ADGRL3: variants seen among roughly 807,000 people sequenced by gnomAD.
ADGRL3 encodes the protein calcium-independent alpha-latrotoxin receptor 3.
A neutral mutation model predicts 153.5 loss-of-function variants in ADGRL3; 62 were observed. That is an observed-to-expected ratio of 0.40 (90% CI 0.33 to 0.50). ADGRL3 has a LOEUF of 0.50. Among genes scored for constraint, ADGRL3 ranks in the 20% least tolerant of loss-of-function variants. ADGRL3 has a pLI of 0.47. For missense variants in ADGRL3, 1,641 were observed against 1,859.4 expected (o/e 0.88, Z 2.16); for synonymous variants, 710 against 672.5 (o/e 1.06, Z -0.86).
At chr4:61,219,619 A>G (rs1744446009) in intron 1 of ADGRL3, among the ~76,000 whole-genome samples, 1 of 152,182 alleles carries the variant, frequency 6.6e-6, no homozygotes. Flanking sequence ...CAGATGCAAA[A>G]TAGTTGACTG....
At chr4:61,359,761 T>C (rs1011742558) in intron 1 of ADGRL3, among the ~76,000 whole-genome samples, 3 of 152,152 alleles carry the variant, frequency 2.0e-5, no homozygotes, top group Non-Finnish European at 4.4e-5. Flanking sequence ...TCCCCAAAGT[T>C]AGGGTTATTT....
intron 6 of ADGRL3, among the ~76,000 whole-genome samples, chr4:61,693,419 A>G (rs2095576957): frequency 6.6e-6 from 1 of 152,046 alleles, no homozygotes; most frequent in African/African-American, 2.4e-5. Flanking sequence ...TCTAACTGGT[A>G]TGTCTAAAGC....
At chr4:61,803,664 C>T (rs1239798445) in intron 8 of ADGRL3, among the ~76,000 whole-genome samples, 1 of 151,814 alleles carries the variant, frequency 6.6e-6, no homozygotes, top group Non-Finnish European at 1.5e-5. Context: ...AATGGAATGA[C>T]CATTTTAGAA....
At chr4:61,593,291 A>T (rs2098976690) in intron 5 of ADGRL3, among the ~76,000 whole-genome samples, 1 of 152,134 alleles carries the variant, frequency 6.6e-6, no homozygotes, top group African/African-American at 2.4e-5. Context: ...CTTATACATC[A>T]TAATTACAGT....
intron 1 of ADGRL3, among the ~76,000 whole-genome samples, chr4:61,341,751 T>G: frequency 6.6e-6 from 1 of 152,060 alleles, no homozygotes; most frequent in Admixed American, 6.6e-5. Context: ...TTATTCAGTT[T>G]CTTATTCTGG....
chr4:61,662,647 C>T (rs976917364), intron 5 of ADGRL3, among the ~76,000 whole-genome samples: 6 of 152,144 alleles, frequency 3.9e-5, no homozygotes, highest in Non-Finnish European at 7.4e-5. Context: ...GGCAGGAGGC[C>T]GACAGACTTC....
chr4:61,766,375 C>G (rs2096980198), intron 8 of ADGRL3, among the ~76,000 whole-genome samples: 1 of 151,848 alleles, frequency 6.6e-6, no homozygotes, highest in African/African-American at 2.4e-5. Context: ...AATGCAGCGG[C>G]AGCAGCTGCA....
At chr4:61,474,519 T>G (rs939582569) in intron 2 of ADGRL3, among the ~76,000 whole-genome samples, 3 of 152,106 alleles carry the variant, frequency 2.0e-5, no homozygotes, top group Non-Finnish European at 2.9e-5. Flanking sequence ...GTTGCTAAAT[T>G]TATAAAACTG....
intron 1 of ADGRL3, among the ~76,000 whole-genome samples, chr4:61,234,416 T>A (rs1428819438): frequency 6.6e-6 from 1 of 152,118 alleles, no homozygotes; most frequent in Non-Finnish European, 1.5e-5. Flanking sequence ...CCTGGGTCCC[T>A]CCCACAACAT....
chr4:61,464,602 T>TA (rs2097858293), intron 2 of ADGRL3, among the ~76,000 whole-genome samples: 1 of 152,146 alleles, frequency 6.6e-6, no homozygotes, highest in South Asian at 2.1e-4. Flanking sequence ...TTTCTATTAT[T>TA]AAAAAATAAT....
chr4:61,717,912 T>C (rs532700322), intron 6 of ADGRL3, among the ~76,000 whole-genome samples: 4 of 152,130 alleles, frequency 2.6e-5, no homozygotes, highest in African/African-American at 7.2e-5. Context: ...TACATGCCTG[T>C]AGTCCTAGCT....
chr4:61,523,655 C>A (rs2098543663), intron 4 of ADGRL3, among the ~76,000 whole-genome samples: 1 of 151,818 alleles, frequency 6.6e-6, no homozygotes, highest in Non-Finnish European at 1.5e-5. Context: ...GCTTGGTAGC[C>A]CTAAAGATAA....
chr4:61,726,389 G>A (rs1451697463), intron 6 of ADGRL3, among the ~76,000 whole-genome samples: 2 of 151,822 alleles, frequency 1.3e-5, no homozygotes, highest in African/African-American at 2.4e-5. Context: ...AGTAGAGATA[G>A]GGTTTCACCG....
Position 61,654,883 on chromosome 4 carries a change from C to T in ADGRL3, c.474-21943C>T, listed in dbSNP as rs147897800. ...CTGCACTCCAGCTTGGGCAACAGAG[C>T]GAGACTCCATCTCAAAAAGAAAAAA... On this transcript the variant is annotated intron_variant, in intron 5 of 26. Coordinates refer to ENST00000683033, the MANE Select transcript of ADGRL3 (RefSeq NM_001387552.1). 5.2e-4 allele frequency among the ~76,000 whole-genome samples: 79 copies of T among 151,938 alleles called. 3 individuals carry two copies. The highest frequency in any genetic ancestry group is 3.4e-3 in the Middle Eastern group (1 of 294).
intron 1 of ADGRL3, among the ~76,000 whole-genome samples, chr4:61,281,344 C>G (rs2093716135): frequency 6.6e-6 from 1 of 152,096 alleles, no homozygotes; most frequent in South Asian, 2.1e-4. Context: ...CTTCCATTTG[C>G]TATCTCACAA....
At chr4:61,291,472 G>A (rs1357557387) in intron 1 of ADGRL3, among the ~76,000 whole-genome samples, 1 of 151,218 alleles carries the variant, frequency 6.6e-6, no homozygotes, top group Non-Finnish European at 1.5e-5. Context: ...TTTTATATAA[G>A]GGAATTAAGC....
intron 4 of ADGRL3, among the ~76,000 whole-genome samples, chr4:61,580,315 C>T (rs892661669): frequency 1.3e-5 from 2 of 151,888 alleles, no homozygotes; most frequent in South Asian, 4.1e-4. Context: ...GGCAAAAAAT[C>T]GTTTTTAGCA....
At chr4:61,692,988 A>G (rs1044869492) in intron 6 of ADGRL3, among the ~76,000 whole-genome samples, 5 of 152,084 alleles carry the variant, frequency 3.3e-5, no homozygotes, top group African/African-American at 1.2e-4. Flanking sequence ...AAACAAACCA[A>G]AGTAACCAAA....
At chr4:61,877,961 C>T (rs1445961518) in intron 9 of ADGRL3, among the ~76,000 whole-genome samples, 1 of 152,198 alleles carries the variant, frequency 6.6e-6, no homozygotes, top group Non-Finnish European at 1.5e-5. Flanking sequence ...CCTTCACTCT[C>T]TCTCTTGCTT....
Sources: allele counts gnomAD v4.1 joint callset (sites outside exome capture counted in the v4.1 genomes callset), GRCh38; gene constraint gnomAD v4.1.1; transcripts MANE v1.5; gene names NCBI Gene and HGNC (gene_info 2026-07-23, HGNC 2026-07-21).